Variants in RUBCNL observed in about 807,000 individuals in gnomAD.
The protein encoded by RUBCNL is rubicon like autophagy enhancer.
RUBCNL carries 62 observed loss-of-function variants against 69.5 expected under a neutral mutation model. The observed-to-expected ratio is 0.89, with a 90% confidence interval of 0.73 to 1.10. The LOEUF (loss-of-function observed/expected upper bound fraction) is 1.10. Among genes scored for constraint, RUBCNL ranks in the 50% least tolerant of loss-of-function variants. The pLI, the probability that RUBCNL is intolerant of heterozygous loss-of-function variation, is 0.00. For missense variants in RUBCNL, 768 were observed against 798.1 expected (o/e 0.96, Z 0.45); for synonymous variants, 291 against 303.6 (o/e 0.96, Z 0.43).
chr13:46,360,410 GCTA>G (rs1394998278), intron 8 of RUBCNL, among the ~76,000 whole-genome samples: 1 of 152,006 alleles, frequency 6.6e-6, no homozygotes, highest in Non-Finnish European at 1.5e-5. Flanking sequence ...CCACAATTTG[GCTA>G]CTATCATTCA....
At chr13:46,377,649 A>G (rs2049024369) in intron 2 of RUBCNL, among the ~76,000 whole-genome samples, 1 of 152,248 alleles carries the variant, frequency 6.6e-6, no homozygotes, top group Admixed American at 6.5e-5. Context: ...GGACTGACCT[A>G]AGTGAATTGA....
Position 46,350,130 on chromosome 13 carries a change from C to A in RUBCNL, c.1552G>T (p.Glu518Ter), listed in dbSNP as rs1164100835. 2 of 1,569,028 alleles carry A rather than the reference C, an allele frequency of 1.3e-6. No homozygotes were observed. The highest frequency in any genetic ancestry group is 8.6e-7 in the Non-Finnish European group (1 of 1,156,100). The part of the protein sequence containing the change: ...IGQSLYAKAK[E>*]LDRVKEIQEQ... ...CGGCTCACCTTCACTCTGTCCAGCT[C>A]CTTGGCTTTCGCATACAGGCTTTGG... The change falls in exon 11 of 15, where the codon GAG becomes TAG. Residue 518 changes from glutamate (E) to a stop codon, truncating the protein, a stop_gained. Coordinates refer to ENST00000429979, the MANE Select transcript of RUBCNL (RefSeq NM_025113.5). LOFTEE classifies it high-confidence loss of function.
rs143042360 is a variant in RUBCNL at position 46,368,781 on chromosome 13, C to T, written c.570G>A (p.Ser190=). 127 of 1,613,652 alleles carry T rather than the reference C, an allele frequency of 7.9e-5. 1 individual carries two copies. The highest frequency in any genetic ancestry group is 7.0e-4 in the South Asian group (64 of 91,046). ...CAAATACCTCTGGTGAGAAGGAATT[C>T]GAAGAAATGGTTCTTCTACTGACTT... ...AVQVSRRTIS[S]NSFSPEVFVL... is the part of the protein sequence containing the mutation. The change falls in exon 4 of 15, where the codon TCG becomes TCA. Residue 190 remains serine (S), a synonymous_variant. Coordinates refer to ENST00000429979, the MANE Select transcript of RUBCNL (RefSeq NM_025113.5).
intron 2 of RUBCNL, 151 bp downstream of exon 2, chr13:46,377,739 T>G: frequency 5.7e-6 from 3 of 528,042 alleles, no homozygotes; most frequent in Non-Finnish European, 1.0e-5. Context: ...GTGTTGTTGC[T>G]TCACAAAAAT....
At chr13:46,346,379 C>T (rs2138674815) in intron 12 of RUBCNL, among the ~76,000 whole-genome samples, 1 of 152,096 alleles carries the variant, frequency 6.6e-6, no homozygotes, top group South Asian at 2.1e-4. Context: ...CCTTTTTCTC[C>T]TGGAATCCTT....
rs576172235 is a variant in RUBCNL at position 46,336,838 on chromosome 13, G to T, written c.*6547C>A. On this transcript the variant is annotated 3_prime_UTR_variant, in exon 15 of 15. Coordinates refer to ENST00000429979, the MANE Select transcript of RUBCNL (RefSeq NM_025113.5). ...CATAGAGGTAGAACTGGAAAGGAAT[G>T]TGAGGTTAAAGAATTTTTTTCTCTC... 3.3e-5 allele frequency among the ~76,000 whole-genome samples: 5 copies of T among 152,222 alleles called. No homozygotes were observed. The highest frequency in any genetic ancestry group is 6.5e-5 in the Admixed American group (1 of 15,288).
chr13:46,353,349 C>T (rs1048895607), intron 10 of RUBCNL, among the ~76,000 whole-genome samples: 1 of 152,182 alleles, frequency 6.6e-6, no homozygotes. Flanking sequence ...CTGGTAGCAA[C>T]AGTTTCATCT....
intron 12 of RUBCNL, among the ~76,000 whole-genome samples, chr13:46,347,929 C>A (rs1156331650): frequency 6.6e-6 from 1 of 151,898 alleles, no homozygotes; most frequent in Non-Finnish European, 1.5e-5. Context: ...GGAGGCGGAG[C>A]TTGCAGTGAG....
At chr13:46,389,297 C>A (rs1162059785), upstream of RUBCNL, among the ~76,000 whole-genome samples, 1 of 152,116 alleles carries the variant, frequency 6.6e-6, no homozygotes, top group Non-Finnish European at 1.5e-5. This position sits in a 1 kb window ranked among gnomAD's most constrained non-coding sequence, Gnocchi z 4.2. Flanking sequence ...TATCTGACAC[C>A]AAACCCTATG....
chr13:46,378,151 T>C (rs1038649844), intron 1 of RUBCNL, 146 bp from the exon 2 acceptor site: 4 of 531,920 alleles, frequency 7.5e-6, no homozygotes, highest in Non-Finnish European at 1.3e-5. Flanking sequence ...ATTGTTTTTG[T>C]TTTGGTAGCA....
intron 8 of RUBCNL, among the ~76,000 whole-genome samples, chr13:46,359,848 T>A (rs778077490): frequency 3.9e-5 from 6 of 152,194 alleles, no homozygotes; most frequent in Non-Finnish European, 8.8e-5. Flanking sequence ...TCACTTTTCT[T>A]AGTATTTTTA....
At chr13:46,382,513 C>G (rs1227413803) in intron 1 of RUBCNL, among the ~76,000 whole-genome samples, 1 of 152,104 alleles carries the variant, frequency 6.6e-6, no homozygotes, top group East Asian at 1.9e-4. Context: ...AGACCCTACC[C>G]TAAGGAATCC....
chr13:46,383,643 C>T lies in RUBCNL; in HGVS notation c.-239+3491G>A, dbSNP rs1427275721. 2.0e-5 allele frequency among the ~76,000 whole-genome samples: 3 copies of T among 152,186 alleles called. No individual in the cohort carries two copies. In the East Asian group the frequency reaches 5.8e-4, roughly 29 times the overall value. ...AACTCTCTTGGTTTCTACACAGCAA[C>T]ATCCAAAGGGCAGCTGGAGGATGGG... On this transcript the variant is annotated intron_variant, in intron 1 of 14. Transcript: ENST00000429979.
intron 3 of RUBCNL, among the ~76,000 whole-genome samples, chr13:46,371,434 G>GT (rs1382052895): frequency 3.3e-5 from 5 of 152,292 alleles, no homozygotes; most frequent in African/African-American, 1.2e-4. Context: ...GAGAGCCCTT[G>GT]TTTTAATAAA....
At position 46,335,260 on chromosome 13, in the gene RUBCNL, GTTTTT is replaced by G. The variant is rs764458781; in HGVS notation, c.*8120_*8124del. 6.9e-5 allele frequency among the ~76,000 whole-genome samples: 7 copies of G among 101,888 alleles called. No individual in the cohort carries two copies. The highest frequency in any genetic ancestry group is 3.5e-4 in the South Asian group (1 of 2,828). 66.8% of individuals were successfully genotyped at this position (101,888 alleles called of 152,430 possible). On this transcript the variant is annotated 3_prime_UTR_variant, in exon 15 of 15. Transcript: ENST00000429979. ...GTGTCTTTTTGTTGTTGTTGTTGTT[GTTTTT>G]TTTTTTTTTTTTTTTTTTTTAAGAG... is the stretch of plus-strand genomic sequence containing the variant.
chr13:46,343,401 G>C lies in RUBCNL; in HGVS notation c.1973C>G (p.Ala658Gly), dbSNP rs1283750495. Reference protein sequence around the residue: ...TARRKLLESVASAAT With the variant: ...TARRKLLESVGSAAT ...TCAGGGGCATCATGTTGCTGCAGAG[G>C]CCACACTTTCCAGAAGTTTTCTCCT... is the stretch of plus-strand genomic sequence containing the variant. The change falls in exon 15 of 15, where the codon GCC (alanine) becomes GGC (glycine). Residue 658 changes from alanine (A) to glycine (G), a missense_variant. Ala to Gly is a moderately conservative substitution (Grantham distance 60). Coordinates refer to ENST00000429979, the MANE Select transcript of RUBCNL (RefSeq NM_025113.5). The C allele has an allele frequency of 6.2e-7, 1 of 1,613,542 alleles. No homozygotes were observed. The highest frequency in any genetic ancestry group is 8.5e-7 in the Non-Finnish European group (1 of 1,179,704).
chr13:46,369,566 T>C lies in RUBCNL; in HGVS notation c.536-751A>G, dbSNP rs374332455. Among the ~76,000 whole-genome samples the C allele has an allele frequency of 2.3e-3, 343 of 152,304 alleles. 4 individuals carry two copies. Among genetic ancestry groups the C allele is most frequent in the South Asian group, 0.012 (57 of 4,830 alleles). On this transcript the variant is annotated intron_variant, in intron 3 of 14. Coordinates refer to ENST00000429979, the MANE Select transcript of RUBCNL (RefSeq NM_025113.5). ...AAAATCCATCCAAAAAAGGTCAGCATTGCTTCTCTAAGTTAGTCTTCTTCC... is the reference window on the plus strand; with the variant it reads ...AAAATCCATCCAAAAAAGGTCAGCACTGCTTCTCTAAGTTAGTCTTCTTCC...
At chr13:46,352,001 T>C (rs1292808320) in intron 10 of RUBCNL, among the ~76,000 whole-genome samples, 12 of 152,082 alleles carry the variant, frequency 7.9e-5, no homozygotes, top group Admixed American at 7.9e-4. Flanking sequence ...CTAATTTTTG[T>C]ATTTTTAGTA....
At position 46,372,552 on chromosome 13, in the gene RUBCNL, G is replaced by A; in HGVS notation, c.-77C>T. On this transcript the variant is annotated 5_prime_UTR_variant, in exon 3 of 15. Coordinates refer to ENST00000429979, the MANE Select transcript of RUBCNL (RefSeq NM_025113.5). The stretch of plus-strand genomic sequence containing the variant: ...CTGATTGCTGGTACTACTTGATTTG[G>A]GCCCTGAACTCACCACATGGCCAGC... The A allele has an allele frequency of 2.0e-6, 3 of 1,503,448 alleles. No individual in the cohort carries two copies. Among genetic ancestry groups the A allele is most frequent in the Non-Finnish European group, 2.7e-6 (3 of 1,121,956 alleles). 93.1% of individuals were successfully genotyped at this position (1,503,448 alleles called of 1,614,324 possible).
Sources: allele counts gnomAD v4.1 joint callset (sites outside exome capture counted in the v4.1 genomes callset), GRCh38; gene constraint gnomAD v4.1.1; non-coding constraint Gnocchi (gnomAD v3.1); transcripts MANE v1.5; gene names NCBI Gene and HGNC (gene_info 2026-07-23, HGNC 2026-07-21).